ME3: variants seen among roughly 807,000 people sequenced by gnomAD.
The protein encoded by ME3 is malic enzyme 3.
A neutral mutation model predicts 68.9 loss-of-function variants in ME3; 48 were observed. The observed-to-expected ratio is 0.70, with a 90% CI of 0.55 to 0.89. The LOEUF is 0.89. Among genes scored for constraint, ME3 ranks in the 40% least tolerant of loss-of-function variants. ME3 has a pLI of 0.00. For synonymous variants in ME3, 320 were observed against 318.8 expected, an observed-to-expected ratio of 1.00 and a Z score of -0.04; for missense variants, 675 against 797.4, an observed-to-expected ratio of 0.85 and a Z score of 1.85.
At chr11:86,569,748 A>G (rs577994018) in intron 2 of ME3, among the ~76,000 whole-genome samples, 30 of 152,186 alleles carry the variant, frequency 2.0e-4, no homozygotes, top group Non-Finnish European at 4.1e-4. Flanking sequence ...TATGATGATT[A>G]TTATCCCCAC....
intron 2 of ME3, among the ~76,000 whole-genome samples, chr11:86,631,190 C>T (rs1183811467): frequency 6.6e-6 from 1 of 152,212 alleles, no homozygotes; most frequent in Non-Finnish European, 1.5e-5. Flanking sequence ...GGTCATGGAG[C>T]TTGGCCTGAA....
intron 2 of ME3, among the ~76,000 whole-genome samples, chr11:86,633,067 A>G (rs1018749299): frequency 2.0e-5 from 3 of 152,182 alleles, no homozygotes; most frequent in African/African-American, 7.2e-5. Context: ...TCCGATATGC[A>G]TGTCAGTAAT....
chr11:86,462,718 G>A, intron 8 of ME3: 1 of 608,420 alleles, frequency 1.6e-6, no homozygotes, highest in Non-Finnish European at 2.7e-6. Context: ...CTTGCCTCCA[G>A]AAGCTTATTA....
intron 7 of ME3, among the ~76,000 whole-genome samples, chr11:86,466,779 A>G (rs1201739884): frequency 6.6e-6 from 1 of 152,232 alleles, no homozygotes; most frequent in African/African-American, 2.4e-5. Context: ...GATTCACATT[A>G]CAGGGGCAGA....
chr11:86,534,259 A>G (rs1955492250), intron 4 of ME3, among the ~76,000 whole-genome samples: 1 of 152,182 alleles, frequency 6.6e-6, no homozygotes, highest in South Asian at 2.1e-4. Context: ...CTGTATACTT[A>G]GGCTACACTA....
Position 86,593,363 on chromosome 11 carries a change from A to G in ME3, c.184-33540T>C, listed in dbSNP as rs1442579636. The stretch of plus-strand genomic sequence containing the variant: ...ATGATGCTTTGAATACTTTCTCGAA[A>G]GGTGTCACATGCTGCAAGAATAGTA... On this transcript the variant is annotated intron_variant, in intron 2 of 14. Transcript: ENST00000543262. Among the ~76,000 whole-genome samples, 3 of 146,712 alleles carry G rather than the reference A, an allele frequency of 2.0e-5. 1 individual carries two copies. Among genetic ancestry groups the G allele is most frequent in the African/African-American group, 7.5e-5 (3 of 39,806 alleles).
At chr11:86,462,695 A>G (rs1051948858) in intron 8 of ME3, 7 of 828,900 alleles carry the variant, frequency 8.4e-6, no homozygotes, top group Non-Finnish European at 1.2e-5. Context: ...ACAAGAATGG[A>G]TAAGGCATGG....
exon 14 of ME3, chr11:86,442,831 A>T: frequency 6.2e-7 from 1 of 1,611,216 alleles, no homozygotes; most frequent in South Asian, 1.1e-5. Flanking sequence ...TTTGATGGCA[A>T]TTCTCAAAGA....
chr11:86,576,865 AC>A lies in ME3; in HGVS notation c.184-17043del, dbSNP rs141984315. On this transcript the variant is annotated intron_variant, in intron 2 of 14. Coordinates refer to ENST00000543262, the Ensembl canonical transcript of ME3. ...GGCAGTTATGCTGGGGAATCAGAGA[AC>A]CTATGTATTTTTAAATTCCCTTAGC... Among the ~76,000 whole-genome samples, 255 of 152,300 alleles carry A rather than the reference AC, an allele frequency of 1.7e-3. 1 individual carries two copies. Among genetic ancestry groups the A allele is most frequent in the African/African-American group, 5.9e-3 (244 of 41,566 alleles).
At chr11:86,582,207 A>C (rs1351552452) in intron 2 of ME3, among the ~76,000 whole-genome samples, 1 of 152,262 alleles carries the variant, frequency 6.6e-6, no homozygotes, top group Non-Finnish European at 1.5e-5. Context: ...AGGCATTTTC[A>C]TACCTCTTTG....
chr11:86,670,586 G>C (rs775718135), intron 2 of ME3, among the ~76,000 whole-genome samples: 1 of 152,150 alleles, frequency 6.6e-6, no homozygotes, highest in Non-Finnish European at 1.5e-5. Flanking sequence ...GAAAGAGCAG[G>C]ACTCCAATGT....
intron 2 of ME3, among the ~76,000 whole-genome samples, chr11:86,647,207 A>C (rs1419439098): frequency 6.6e-6 from 1 of 152,224 alleles, no homozygotes; most frequent in Non-Finnish European, 1.5e-5. Context: ...AACAATATTA[A>C]CCTTAAATGT....
intron 2 of ME3, among the ~76,000 whole-genome samples, chr11:86,667,311 G>C (rs1043640680): frequency 3.3e-5 from 5 of 152,164 alleles, no homozygotes; most frequent in Non-Finnish European, 5.9e-5. Context: ...ATCACTGCTG[G>C]CACACACGGA....
chr11:86,618,652 TG>T (rs1480284407), intron 2 of ME3, among the ~76,000 whole-genome samples: 2 of 151,738 alleles, frequency 1.3e-5, no homozygotes, highest in Non-Finnish European at 2.9e-5. Flanking sequence ...GTTTAGCTTA[TG>T]GGGGCAGATC....
intron 7 of ME3, among the ~76,000 whole-genome samples, chr11:86,472,886 G>C (rs1054083752): frequency 1.4e-4 from 21 of 152,240 alleles, no homozygotes; most frequent in African/African-American, 5.1e-4. Flanking sequence ...TCAAGGTTGG[G>C]GATGGGGAAA....
chr11:86,502,795 T>G (rs1425244544), intron 5 of ME3, among the ~76,000 whole-genome samples: 1 of 152,198 alleles, frequency 6.6e-6, no homozygotes, highest in Non-Finnish European at 1.5e-5. Context: ...TGTGCCATAT[T>G]CTTCCTTTGC....
chr11:86,510,132 T>C (rs747157103), intron 4 of ME3, among the ~76,000 whole-genome samples: 1 of 152,202 alleles, frequency 6.6e-6, no homozygotes, highest in African/African-American at 2.4e-5. Flanking sequence ...TTGCCTACAC[T>C]AACTGCTTCC....
chr11:86,538,586 A>G (rs1206386634), intron 4 of ME3, among the ~76,000 whole-genome samples: 3 of 152,016 alleles, frequency 2.0e-5, no homozygotes, highest in Non-Finnish European at 4.4e-5. Flanking sequence ...TCACCCTCAC[A>G]TACCACAGAC....
rs566653490 is a variant in ME3, at chr11:86,469,582, C to T, written c.810-4382G>A. On this transcript the variant is annotated intron_variant, in intron 7 of 14. Transcript: ENST00000543262. ...TGTCCTGCGAGAAGCTCCCACTTAC[C>T]GGGGAGGCTTCTGCTTATCTGTCCC... Among the ~76,000 whole-genome samples the T allele has an allele frequency of 1.9e-4, 29 of 152,316 alleles. No homozygotes were observed. In the Middle Eastern group the frequency reaches 0.034, roughly 179 times the overall value.
Sources: allele counts gnomAD v4.1 joint callset (sites outside exome capture counted in the v4.1 genomes callset), GRCh38; gene constraint gnomAD v4.1.1; transcripts MANE v1.5; gene names NCBI Gene and HGNC (gene_info 2026-07-23, HGNC 2026-07-21).